Variants in ZEB1 observed in about 807,000 individuals in gnomAD.
ZEB1 encodes zinc finger E-box binding homeobox 1.
In ZEB1, 21 loss-of-function variants were observed where a neutral mutation model predicts 84.9. That is an observed-to-expected ratio of 0.25 (90% CI 0.18 to 0.36). The LOEUF (loss-of-function observed/expected upper bound fraction) is 0.36, where lower values mean the gene tolerates loss of function less well. Ranked by LOEUF, ZEB1 falls within the 10% of genes least tolerant of loss-of-function variation. The pLI, the probability that ZEB1 is intolerant of heterozygous loss-of-function variation, is 1.00. For missense variants in ZEB1, 1,104 were observed against 1,330.2 expected (o/e 0.83, Z 2.65); for synonymous variants, 420 against 471.1 (o/e 0.89, Z 1.41).
intron 1 of ZEB1, chr10:31,374,991 A>T (rs2046336524): frequency 6.6e-6 from 1 of 150,570 alleles, no homozygotes; most frequent in African/African-American, 2.4e-5. Flanking sequence ...TAATCAAGTC[A>T]ACTTTATATC....
chr10:31,488,618 T>A (rs1414468613), intron 2 of ZEB1, among the ~76,000 whole-genome samples: 1 of 151,002 alleles, frequency 6.6e-6, no homozygotes, highest in Non-Finnish European at 1.5e-5. Flanking sequence ...TAATACACAA[T>A]TCAGAATTTT....
At chr10:31,410,035 C>T (rs1163020521) in intron 1 of ZEB1, among the ~76,000 whole-genome samples, 1 of 152,200 alleles carries the variant, frequency 6.6e-6, no homozygotes, top group East Asian at 1.9e-4. Context: ...AGCCAGACTT[C>T]CAATACTATG....
chr10:31,491,623 C>T (rs1196747285), intron 2 of ZEB1, among the ~76,000 whole-genome samples: 5 of 151,862 alleles, frequency 3.3e-5, no homozygotes, highest in African/African-American at 1.2e-4. Context: ...GAATTCTTGT[C>T]ATGTCATCTT....
intron 1 of ZEB1, among the ~76,000 whole-genome samples, chr10:31,347,436 C>T (rs1416475351): frequency 6.6e-6 from 1 of 152,116 alleles, no homozygotes; most frequent in African/African-American, 2.4e-5. Flanking sequence ...GCCTTGAACT[C>T]CTGGGTTCAA....
intron 2 of ZEB1, among the ~76,000 whole-genome samples, chr10:31,465,206 C>T (rs1291669107): frequency 6.6e-6 from 1 of 151,514 alleles, no homozygotes; most frequent in Non-Finnish European, 1.5e-5. Flanking sequence ...AAATAAAAAA[C>T]AAGGTATTAA....
intron 1 of ZEB1, among the ~76,000 whole-genome samples, chr10:31,327,533 A>C (rs1047979034): frequency 6.6e-6 from 1 of 152,150 alleles, no homozygotes; most frequent in African/African-American, 2.4e-5. Context: ...TTACCTATCA[A>C]TTCCCCTAAT....
chr10:31,502,922 C>G (rs2068368579), intron 4 of ZEB1, among the ~76,000 whole-genome samples: 1 of 152,158 alleles, frequency 6.6e-6, no homozygotes, highest in South Asian at 2.1e-4. Context: ...CTGAATCTGC[C>G]TTAGTCCACT....
intron 1 of ZEB1, among the ~76,000 whole-genome samples, chr10:31,352,568 T>G (rs1341323665): frequency 6.6e-6 from 1 of 152,078 alleles, no homozygotes; most frequent in African/African-American, 2.4e-5. Flanking sequence ...TTGGCTGGGG[T>G]GCTAGGAAAG....
chr10:31,469,563 C>G (rs1163046511), intron 2 of ZEB1, among the ~76,000 whole-genome samples: 2 of 152,218 alleles, frequency 1.3e-5, no homozygotes, highest in Non-Finnish European at 2.9e-5. Flanking sequence ...GAGGGTCCTA[C>G]GCCCACGGAG....
intron 1 of ZEB1, among the ~76,000 whole-genome samples, chr10:31,324,846 A>G (rs1268548231): frequency 6.6e-6 from 1 of 152,060 alleles, no homozygotes; most frequent in African/African-American, 2.4e-5. Flanking sequence ...ATTCAACTAG[A>G]TATGAACTAA....
chr10:31,353,253 T>C (rs2041594107), intron 1 of ZEB1, among the ~76,000 whole-genome samples: 1 of 152,244 alleles, frequency 6.6e-6, no homozygotes, highest in Non-Finnish European at 1.5e-5. Context: ...ATATTTGTGA[T>C]TATAATACTT....
In ZEB1 at chr10:31,408,900, C is replaced by G. The variant is rs1259064530; in HGVS notation, c.59-52137C>G. On this transcript the variant is annotated intron_variant, in intron 1 of 8. Coordinates refer to ENST00000424869, the MANE Select transcript of ZEB1 (RefSeq NM_001174096.2). ...AAAAGCCAAAATTGACAAATGGGAT[C>G]TAATTAAACTAAAGAGCTTCTGCAC... 5.3e-5 allele frequency among the ~76,000 whole-genome samples: 8 copies of G among 149,952 alleles called. No individual in the cohort carries two copies. The East Asian group carries it at 1.2e-3, about 22-fold the overall frequency.
chr10:31,405,695 A>G (rs7071176), intron 1 of ZEB1, among the ~76,000 whole-genome samples: 1 of 151,230 alleles, frequency 6.6e-6, no homozygotes, highest in African/African-American at 2.4e-5. Flanking sequence ...ACGTGTTTCT[A>G]TTACACCTAG....
chr10:31,404,053 A>G (rs1488713003), intron 1 of ZEB1, among the ~76,000 whole-genome samples: 1 of 152,098 alleles, frequency 6.6e-6, no homozygotes, highest in Non-Finnish European at 1.5e-5. Flanking sequence ...AATTTTCACC[A>G]AGTTATAAAG....
At chr10:31,430,011 G>T (rs2057516662) in intron 1 of ZEB1, among the ~76,000 whole-genome samples, 1 of 152,104 alleles carries the variant, frequency 6.6e-6, no homozygotes, top group South Asian at 2.1e-4. Context: ...AAAGTGCTGA[G>T]ATTACAGGCG....
At chr10:31,489,837 C>G (rs1273332969) in intron 2 of ZEB1, among the ~76,000 whole-genome samples, 1 of 151,178 alleles carries the variant, frequency 6.6e-6, no homozygotes, top group Non-Finnish European at 1.5e-5. Context: ...TTCCAAGTGT[C>G]CCTCATTTCA....
intron 1 of ZEB1, among the ~76,000 whole-genome samples, chr10:31,372,241 A>C (rs1457942555): frequency 6.6e-6 from 1 of 152,084 alleles, no homozygotes; most frequent in Non-Finnish European, 1.5e-5. Flanking sequence ...TTTGCTAAAG[A>C]CTTAAATTGT....
rs145508940 is a variant in ZEB1 at position 31,477,341 on chromosome 10, G to A, written c.259+16104G>A. Among the ~76,000 whole-genome samples, 219 of 151,820 alleles carry A rather than the reference G, an allele frequency of 1.4e-3. 1 individual carries two copies. The highest frequency in any genetic ancestry group is 2.7e-3 in the Non-Finnish European group (182 of 67,760). On this transcript the variant is annotated intron_variant, in intron 2 of 8. Coordinates refer to ENST00000424869, the MANE Select transcript of ZEB1 (RefSeq NM_001174096.2). ...ATAACTAGGAATACATTGAACCAAA[G>A]AGGTGAAAGTTCTCTACAGGAAGAT...
At chr10:31,411,494 C>T (rs890332233) in intron 1 of ZEB1, among the ~76,000 whole-genome samples, 20 of 151,774 alleles carry the variant, frequency 1.3e-4, no homozygotes, top group Admixed American at 9.8e-4. Context: ...TAGCCGGGCG[C>T]GGTGGCGGGC....
Sources: gnomAD v4.1 joint callset for allele counts (sites outside exome capture counted in the v4.1 genomes callset) on GRCh38, gnomAD v4.1.1 for gene constraint, MANE v1.5 for transcripts, NCBI Gene and HGNC (gene_info 2026-07-23, HGNC 2026-07-21) for gene names.